CDH12: variants seen among roughly 807,000 people sequenced by gnomAD.
CDH12 encodes the protein cadherin 12.
A neutral mutation model predicts 74.1 loss-of-function variants in CDH12; 41 were observed. That is an observed-to-expected ratio of 0.55 (90% confidence interval 0.43 to 0.72). The LOEUF (loss-of-function observed/expected upper bound fraction) is 0.72, where lower values mean the gene tolerates loss of function less well. Among genes scored for constraint, CDH12 ranks in the 30% least tolerant of loss-of-function variants. CDH12 has a pLI of 0.00. For synonymous variants in CDH12, 399 were observed against 355.0 expected (o/e 1.12, Z -1.39); for missense variants, 945 against 977.2 (o/e 0.97, Z 0.44).
At chr5:22,104,524 G>A (rs919233858) in intron 4 of CDH12, among the ~76,000 whole-genome samples, 1 of 152,154 alleles carries the variant, frequency 6.6e-6, no homozygotes, top group Non-Finnish European at 1.5e-5. Flanking sequence ...TTTGTTATTA[G>A]CAGGGATATC....
At chr5:21,816,482 G>A (rs938259826) in intron 9 of CDH12, among the ~76,000 whole-genome samples, 17 of 150,862 alleles carry the variant, frequency 1.1e-4, no homozygotes, top group Admixed American at 2.7e-4. Context: ...AAAACTAGCC[G>A]GGCGTGGTGG....
intron 5 of CDH12, among the ~76,000 whole-genome samples, chr5:22,053,193 T>C (rs897059760): frequency 6.6e-6 from 1 of 152,076 alleles, no homozygotes; most frequent in Non-Finnish European, 1.5e-5. Flanking sequence ...TCCAAAGCTC[T>C]TCACTTCCAC....
At chr5:22,715,992 C>T (rs1329155318) in intron 1 of CDH12, among the ~76,000 whole-genome samples, 1 of 151,706 alleles carries the variant, frequency 6.6e-6, no homozygotes, top group Non-Finnish European at 1.5e-5. Flanking sequence ...CAAAAATTAG[C>T]CGAGTGTGAT....
At chr5:22,471,107 C>T (rs1001959213) in intron 2 of CDH12, among the ~76,000 whole-genome samples, 23 of 145,642 alleles carry the variant, frequency 1.6e-4, no homozygotes, top group Non-Finnish European at 3.3e-4. Flanking sequence ...TAATCTCTTT[C>T]TCGGTTGATG....
intron 1 of CDH12, among the ~76,000 whole-genome samples, chr5:22,851,919 G>A (rs577810957): frequency 1.3e-5 from 2 of 152,318 alleles, no homozygotes; most frequent in East Asian, 1.9e-4. Flanking sequence ...ACAGCTGTGT[G>A]TCTGGATATT....
intron 6 of CDH12, among the ~76,000 whole-genome samples, chr5:21,919,392 C>G (rs1279567620): frequency 6.6e-6 from 1 of 150,996 alleles, no homozygotes; most frequent in Non-Finnish European, 1.5e-5. Flanking sequence ...ATTTTTTTTT[C>G]CTTTACTCTT....
At chr5:21,975,036 G>C in intron 6 of CDH12, 55 bp downstream of exon 6, 1 of 1,067,130 alleles carries the variant, frequency 9.4e-7, no homozygotes, top group South Asian at 1.5e-5. Context: ...CCTGCAAAAA[G>C]TCAATGTTGA....
At chr5:22,029,382 C>A (rs1194489229) in intron 5 of CDH12, among the ~76,000 whole-genome samples, 1 of 151,996 alleles carries the variant, frequency 6.6e-6, no homozygotes, top group African/African-American at 2.4e-5. Flanking sequence ...GGGCTAATAT[C>A]CAGAATCTAC....
chr5:22,443,873 CAT>C (rs1467586130), intron 2 of CDH12, among the ~76,000 whole-genome samples: 1 of 151,910 alleles, frequency 6.6e-6, no homozygotes, highest in African/African-American at 2.4e-5. Flanking sequence ...AAAGCATACA[CAT>C]GTGTATATGT....
intron 1 of CDH12, among the ~76,000 whole-genome samples, chr5:22,615,634 C>A (rs888822156): frequency 7.2e-5 from 11 of 152,012 alleles, no homozygotes; most frequent in African/African-American, 2.7e-4. Context: ...CAAAATAAAT[C>A]AAAATAAGCT....
intron 2 of CDH12, among the ~76,000 whole-genome samples, chr5:22,435,809 C>T (rs555853591): frequency 2.6e-5 from 4 of 152,050 alleles, no homozygotes; most frequent in African/African-American, 7.2e-5. Flanking sequence ...CCTCCCAGAT[C>T]GATAAACTGG....
chr5:22,172,357 C>T (rs763369311), intron 4 of CDH12: 5 of 151,794 alleles, frequency 3.3e-5, no homozygotes, highest in Non-Finnish European at 7.4e-5. Context: ...CTCTTATCTC[C>T]TCCTTGAAGA....
intron 1 of CDH12, among the ~76,000 whole-genome samples, chr5:22,760,744 C>T (rs1746181232): frequency 6.9e-6 from 1 of 145,710 alleles, no homozygotes; most frequent in Admixed American, 6.9e-5. Context: ...GTCAAACATT[C>T]TGATGTATTC....
At chr5:22,643,185 C>A (rs1266262416) in intron 1 of CDH12, among the ~76,000 whole-genome samples, 1 of 152,112 alleles carries the variant, frequency 6.6e-6, no homozygotes, top group Non-Finnish European at 1.5e-5. Flanking sequence ...ATAGATCTAG[C>A]ATTTAATGGG....
chr5:21,972,211 A>G (rs1412643200), intron 6 of CDH12, among the ~76,000 whole-genome samples: 1 of 152,146 alleles, frequency 6.6e-6, no homozygotes, highest in Non-Finnish European at 1.5e-5. Flanking sequence ...TATGTTACAA[A>G]ACAGGTTATT....
intron 10 of CDH12, among the ~76,000 whole-genome samples, chr5:21,783,860 G>T (rs1746053429): frequency 6.6e-6 from 1 of 152,098 alleles, no homozygotes; most frequent in Admixed American, 6.6e-5. Flanking sequence ...GGGGTTGAGA[G>T]AAGCACTGGA....
chr5:22,610,197 A>C (rs1477913442), intron 1 of CDH12, among the ~76,000 whole-genome samples: 1 of 152,212 alleles, frequency 6.6e-6, no homozygotes, highest in Non-Finnish European at 1.5e-5. Context: ...CAAGCAAAGA[A>C]AACTTGAAAA....
chr5:22,844,469 C>T (rs1290843451), intron 1 of CDH12, among the ~76,000 whole-genome samples: 2 of 152,010 alleles, frequency 1.3e-5, no homozygotes, highest in Non-Finnish European at 1.5e-5. Context: ...GTTAATATTC[C>T]AAGGACTTAG....
chr5:22,039,128 A>G (rs533702635), intron 5 of CDH12, among the ~76,000 whole-genome samples: 2 of 152,188 alleles, frequency 1.3e-5, no homozygotes, highest in South Asian at 4.2e-4. Context: ...CCACTATCGC[A>G]GGATCCAGGG....
Sources: gnomAD v4.1 joint callset for allele counts (sites outside exome capture counted in the v4.1 genomes callset) on GRCh38, gnomAD v4.1.1 for gene constraint, MANE v1.5 for transcripts, NCBI Gene and HGNC (gene_info 2026-07-23, HGNC 2026-07-21) for gene names.